MEF2A: variants seen among roughly 807,000 people sequenced by gnomAD.
The protein encoded by MEF2A is myocyte-specific enhancer factor 2A.
In MEF2A, 28 loss-of-function variants were observed where a neutral mutation model predicts 55.8. The ratio of observed to expected loss-of-function variants is 0.50; its 90% CI spans 0.37 to 0.69. MEF2A has a LOEUF of 0.69. Ranked by LOEUF, MEF2A falls within the 30% of genes least tolerant of loss-of-function variation. MEF2A has a pLI of 0.00. For synonymous variants in MEF2A, 239 were observed against 227.1 expected (o/e 1.05, Z -0.47); for missense variants, 528 against 626.2 (o/e 0.84, Z 1.67).
intron 1 of MEF2A, among the ~76,000 whole-genome samples, chr15:99,570,906 T>TGGG (rs1961952969): frequency 6.6e-6 from 1 of 151,842 alleles, no homozygotes; most frequent in South Asian, 2.1e-4. Context: ...ACTTCCTGGC[T>TGGG]GGGCGCGGTG....
intron 1 of MEF2A, among the ~76,000 whole-genome samples, chr15:99,591,602 A>G (rs553564612): frequency 6.6e-6 from 1 of 152,022 alleles, no homozygotes; most frequent in Non-Finnish European, 1.5e-5. Flanking sequence ...CTATTTCGTC[A>G]TGTATTTTTT....
At chr15:99,653,128 A>G (rs1292107867) in intron 4 of MEF2A, among the ~76,000 whole-genome samples, 1 of 152,208 alleles carries the variant, frequency 6.6e-6, no homozygotes, top group Non-Finnish European at 1.5e-5. Flanking sequence ...CATTTAGGGC[A>G]GAAGATACTA....
intron 5 of MEF2A, among the ~76,000 whole-genome samples, 175 bp from the exon 6 acceptor site, chr15:99,674,218 T>A (rs2051446443): frequency 6.6e-6 from 1 of 152,228 alleles, no homozygotes; most frequent in Non-Finnish European, 1.5e-5. Context: ...GTCAGTCATA[T>A]TCATGTTCAA....
rs139658538 is a variant in MEF2A, at chr15:99,627,419, C to CAAAAAAAAAAAAAA, written c.-142-5541_-142-5528dup. Among the ~76,000 whole-genome samples, 4 of 43,056 alleles carry CAAAAAAAAAAAAAA rather than the reference C, an allele frequency of 9.3e-5. 1 individual carries two copies. The highest frequency in any genetic ancestry group is 4.4e-4 in the African/African-American group (4 of 9,132). 28.2% of individuals were successfully genotyped at this position (43,056 alleles called of 152,430 possible). ...TGGGCGACAGAGTGAGACTTTATCTCAAAAAAAAAAAAAAAAAAAAAAAAA... is the reference window on the plus strand; with the variant it reads ...TGGGCGACAGAGTGAGACTTTATCTCAAAAAAAAAAAAAAAAAAAAAAAAAAAAAAAAAAAAAAA... On this transcript the variant is annotated intron_variant, in intron 2 of 11. Transcript: ENST00000557942.
intron 4 of MEF2A, among the ~76,000 whole-genome samples, chr15:99,654,478 G>T (rs949347332): frequency 6.0e-5 from 9 of 151,138 alleles, no homozygotes; most frequent in Non-Finnish European, 1.3e-4. Context: ...GGCAACAGAA[G>T]ACCTCACTGA....
At chr15:99,576,565 CTTTT>C (rs1474691239) in intron 1 of MEF2A, among the ~76,000 whole-genome samples, 18 of 151,192 alleles carry the variant, frequency 1.2e-4, no homozygotes, top group Non-Finnish European at 2.4e-4. Context: ...GGAAACCTTT[CTTTT>C]AAGTGAAGTG....
intron 2 of MEF2A, among the ~76,000 whole-genome samples, chr15:99,601,508 G>T (rs1185942779): frequency 7.4e-6 from 1 of 135,494 alleles, no homozygotes; most frequent in Admixed American, 7.6e-5. Context: ...GTCTTGGTCA[G>T]AGTTTTTTTT....
At chr15:99,597,819 T>C (rs1971747990) in intron 1 of MEF2A, among the ~76,000 whole-genome samples, 1 of 152,212 alleles carries the variant, frequency 6.6e-6, no homozygotes, top group Non-Finnish European at 1.5e-5. Context: ...TGGGGCAGAT[T>C]CCCCGATAAC....
intron 10 of MEF2A, among the ~76,000 whole-genome samples, chr15:99,708,568 G>A (rs753305287): frequency 9.2e-5 from 14 of 152,086 alleles, no homozygotes; most frequent in African/African-American, 2.7e-4. Flanking sequence ...TCTCTTTCTC[G>A]TAACACTTAC....
chr15:99,580,526 G>T (rs1297996062), intron 1 of MEF2A, among the ~76,000 whole-genome samples: 3 of 152,162 alleles, frequency 2.0e-5, no homozygotes, highest in African/African-American at 7.2e-5. Context: ...GTATTGTGGA[G>T]GAGGAGAAAT....
chr15:99,706,940 A>G, intron 10 of MEF2A, 85 bp downstream of exon 10: 1 of 1,413,606 alleles, frequency 7.1e-7, no homozygotes, highest in African/African-American at 1.5e-5. Context: ...TTTTAAGTAT[A>G]TTTATTGAAA....
intron 1 of MEF2A, among the ~76,000 whole-genome samples, chr15:99,567,288 G>C (rs904797147): frequency 6.6e-6 from 1 of 152,184 alleles, no homozygotes; most frequent in Non-Finnish European, 1.5e-5. Flanking sequence ...AACAAACATT[G>C]TCTTAACATT....
chr15:99,675,067 CTCT>C (rs1180710333), intron 6 of MEF2A, among the ~76,000 whole-genome samples: 2 of 152,118 alleles, frequency 1.3e-5, no homozygotes, highest in Admixed American at 6.5e-5. Context: ...TGTCTCCTCT[CTCT>C]TAAGTCCTAG....
intron 1 of MEF2A, among the ~76,000 whole-genome samples, chr15:99,575,120 C>T (rs1226462493): frequency 6.6e-6 from 1 of 151,924 alleles, no homozygotes; most frequent in Non-Finnish European, 1.5e-5. Context: ...ATCAAGTTCC[C>T]TTACCCCTAA....
chr15:99,708,412 T>C (rs1305961846), intron 10 of MEF2A, among the ~76,000 whole-genome samples: 1 of 152,242 alleles, frequency 6.6e-6, no homozygotes, highest in African/African-American at 2.4e-5. Flanking sequence ...ACTATACTTA[T>C]TTTTAGAAAT....
At chr15:99,621,895 G>A (rs1164837384) in intron 2 of MEF2A, among the ~76,000 whole-genome samples, 1 of 152,136 alleles carries the variant, frequency 6.6e-6, no homozygotes, top group Non-Finnish European at 1.5e-5. Flanking sequence ...ATTGGCCAGA[G>A]TCATCAAAAT....
intron 1 of MEF2A, among the ~76,000 whole-genome samples, chr15:99,588,642 C>G (rs1303021046): frequency 6.6e-6 from 1 of 151,644 alleles, no homozygotes; most frequent in Non-Finnish European, 1.5e-5. Context: ...TGGGGTTTCT[C>G]TATGTTGCCC....
At chr15:99,626,229 A>T (rs538386335) in intron 2 of MEF2A, among the ~76,000 whole-genome samples, 1 of 152,212 alleles carries the variant, frequency 6.6e-6, no homozygotes, top group African/African-American at 2.4e-5. Context: ...CATTTTATCT[A>T]GGTTATCCCA....
intron 8 of MEF2A, among the ~76,000 whole-genome samples, chr15:99,695,855 G>A (rs325387): frequency 0.63 from 93,660 of 147,822 alleles, 33,600 homozygotes; most frequent in Middle Eastern, 0.86. Context: ...GTGAAACTCC[G>A]TCTCAAAAAA....
Sources: allele counts gnomAD v4.1 joint callset (sites outside exome capture counted in the v4.1 genomes callset), GRCh38; gene constraint gnomAD v4.1.1; transcripts MANE v1.5; gene names NCBI Gene and HGNC (gene_info 2026-07-23, HGNC 2026-07-21).